The following WDR20 variants were observed in gnomAD, a reference collection of about 807,000 sequenced individuals.
WDR20 encodes the protein WD repeat domain 20.
Under a neutral mutation model 38.7 loss-of-function variants are expected in WDR20, and 3 were observed. The observed-to-expected ratio is 0.08, with a 90% CI of 0.04 to 0.20. The LOEUF is 0.20. Ranked by LOEUF, WDR20 falls within the 10% of genes least tolerant of loss-of-function variation. The pLI is 1.00. For synonymous variants in WDR20, 298 were observed against 285.6 expected, an observed-to-expected ratio of 1.04 and a Z score of -0.44; for missense variants, 559 against 727.7, an observed-to-expected ratio of 0.77 and a Z score of 2.67.
chr14:102,193,557 T>C, intron 1 of WDR20: 1 of 1,596,140 alleles, frequency 6.3e-7, no homozygotes, highest in Admixed American at 1.7e-5. Context: ...CCCTCATTCC[T>C]TTGCCCTGGG....
intron 1 of WDR20, among the ~76,000 whole-genome samples, chr14:102,179,609 C>T (rs374030287): frequency 1.3e-5 from 2 of 151,938 alleles, no homozygotes; most frequent in Admixed American, 6.6e-5. Context: ...AAAAATTATG[C>T]TACATCAAGT....
At chr14:102,214,177 C>G, downstream of WDR20, 2 of 985,670 alleles carry the variant, frequency 2.0e-6, no homozygotes, top group Non-Finnish European at 2.4e-6. Flanking sequence ...GGAGACGCCT[C>G]CTCCGGTCTG....
At chr14:102,224,707 A>AGTT (rs2064170750), downstream of WDR20, 2 of 456,058 alleles carry the variant, frequency 4.4e-6, no homozygotes, top group Non-Finnish European at 8.8e-6. Context: ...AGGAGACATT[A>AGTT]GTTACAGCTT....
intron 1 of WDR20, among the ~76,000 whole-genome samples, chr14:102,149,330 T>A (rs369869684): frequency 8.6e-5 from 13 of 152,036 alleles, no homozygotes; most frequent in African/African-American, 3.1e-4. Context: ...TGTTCCCGGC[T>A]GATTTTGTAT....
At chr14:102,218,524 G>A (rs1040128317), downstream of WDR20, among the ~76,000 whole-genome samples, 7 of 152,342 alleles carry the variant, frequency 4.6e-5, no homozygotes, top group African/African-American at 1.7e-4. Context: ...TGGCCTTGCT[G>A]CTTTATTGTA....
At chr14:102,190,495 C>T (rs906510049) in intron 1 of WDR20, among the ~76,000 whole-genome samples, 6 of 151,428 alleles carry the variant, frequency 4.0e-5, no homozygotes, top group African/African-American at 7.3e-5. Flanking sequence ...CAGGAGGCCA[C>T]GGCAAGAGAA....
At chr14:102,139,854 C>G (rs1025927516), upstream of WDR20, 4 of 1,573,710 alleles carry the variant, frequency 2.5e-6, no homozygotes, top group Admixed American at 1.7e-5. Flanking sequence ...GAAGAGGGAG[C>G]ACCAGGAACA....
chr14:102,164,324 C>T (rs2059353489), intron 1 of WDR20, among the ~76,000 whole-genome samples: 1 of 150,762 alleles, frequency 6.6e-6, no homozygotes, highest in East Asian at 2.0e-4. Flanking sequence ...CCGCCATCAT[C>T]TTGGGTGGTT....
At chr14:102,186,562 A>C (rs747232237) in intron 1 of WDR20, among the ~76,000 whole-genome samples, 3 of 151,840 alleles carry the variant, frequency 2.0e-5, no homozygotes, top group African/African-American at 2.4e-5. Flanking sequence ...CGGTTTCACC[A>C]GGGTGACAAG....
chr14:102,142,515 G>A lies in WDR20; in HGVS notation c.249+2343G>A, dbSNP rs565092124. On this transcript the variant is annotated intron_variant, in intron 1 of 2. Transcript: ENST00000342702. ...GTTGCCTAGGCTGGAGTGCGGTGGC[G>A]TGCTCATCGTTCACTACAGCCTCAA... Among the ~76,000 whole-genome samples the A allele has an allele frequency of 1.3e-4, 20 of 152,020 alleles. No individual in the cohort carries two copies. In the South Asian group the frequency reaches 4.0e-3, roughly 30 times the overall value.
intron 1 of WDR20, among the ~76,000 whole-genome samples, chr14:102,168,354 C>G (rs948231820): frequency 9.9e-5 from 15 of 151,684 alleles, no homozygotes; most frequent in Admixed American, 3.9e-4. Context: ...AATTGGAAAA[C>G]TCAAGGAAGA....
chr14:102,224,751 C>T (rs1311666640), downstream of WDR20: 1 of 456,068 alleles, frequency 2.2e-6, no homozygotes, highest in South Asian at 1.5e-5. Flanking sequence ...AAGGCGCCAG[C>T]AGGGACTCTG....
Sources: allele counts gnomAD v4.1 joint callset (sites outside exome capture counted in the v4.1 genomes callset), GRCh38; gene constraint gnomAD v4.1.1; transcripts MANE v1.5; gene names NCBI Gene and HGNC (gene_info 2026-07-23, HGNC 2026-07-21).